The following GIPC2 variants were observed in gnomAD, a reference collection of about 807,000 sequenced individuals.
GIPC2 encodes PDZ domain-containing protein GIPC2.
GIPC2 carries 30 observed loss-of-function variants against 30.6 expected under a neutral mutation model. The observed-to-expected ratio is 0.98, with a 90% CI of 0.73 to 1.33. The LOEUF is 1.33. Ranked by LOEUF, GIPC2 falls within the 40% of genes most tolerant of loss-of-function variation. The pLI, the probability that GIPC2 is intolerant of heterozygous loss-of-function variation, is 0.00. For missense variants in GIPC2, 414 were observed against 390.3 expected (o/e 1.06, Z -0.51); for synonymous variants, 167 against 150.0 (o/e 1.11, Z -0.83).
chr1:78,072,361 C>T (rs950002783), intron 1 of GIPC2, among the ~76,000 whole-genome samples: 10 of 152,184 alleles, frequency 6.6e-5, no homozygotes, highest in Admixed American at 4.6e-4. Flanking sequence ...GTTTCCCAGT[C>T]TATGCATATA....
rs1661059749 is a variant in GIPC2 at position 78,046,005 on chromosome 1, G to GCGCGGGGCCCGGGGCGCAAAGTC, written c.-87_-65dup. The GCGCGGGGCCCGGGGCGCAAAGTC allele has an allele frequency of 1.4e-5, 19 of 1,393,950 alleles. No homozygotes were observed. Among genetic ancestry groups the GCGCGGGGCCCGGGGCGCAAAGTC allele is most frequent in the South Asian group, 3.3e-5 (2 of 61,040 alleles). 86.3% of individuals were successfully genotyped at this position (1,393,950 alleles called of 1,614,324 possible). ...CTGCCATTGGAGGCTGCTTTTACCT[G>GCGCGGGGCCCGGGGCGCAAAGTC]CGCGGGGCCCGGGGCGCAAAGTCCG... On this transcript the variant is annotated 5_prime_UTR_variant, in exon 1 of 6. Transcript: ENST00000370759.
At chr1:78,045,891 T>C (rs1190014370), upstream of GIPC2, 9 of 1,334,702 alleles carry the variant, frequency 6.7e-6, no homozygotes, top group Non-Finnish European at 8.6e-6. Flanking sequence ...TCCAGATCCA[T>C]CCCGGGGGAG....
intron 2 of GIPC2, among the ~76,000 whole-genome samples, chr1:78,085,220 G>A (rs1661904901): frequency 1.3e-5 from 2 of 152,178 alleles, no homozygotes; most frequent in Admixed American, 1.3e-4. Context: ...CTGTTTATGT[G>A]ATGAAGCACA....
intron 2 of GIPC2, among the ~76,000 whole-genome samples, chr1:78,090,675 T>C (rs980138853): frequency 1.3e-5 from 2 of 152,238 alleles, no homozygotes; most frequent in African/African-American, 4.8e-5. Context: ...GCCATACTTT[T>C]GCTTTAGTAG....
At chr1:78,073,978 AAT>A (rs1351875467) in intron 1 of GIPC2, among the ~76,000 whole-genome samples, 2 of 152,240 alleles carry the variant, frequency 1.3e-5, no homozygotes, top group Non-Finnish European at 2.9e-5. Context: ...GTAGCAATTT[AAT>A]ATAAATGCAC....
At chr1:78,047,278 A>G (rs1661112164) in intron 1 of GIPC2, among the ~76,000 whole-genome samples, 6 of 152,230 alleles carry the variant, frequency 3.9e-5, no homozygotes, top group Admixed American at 3.9e-4. Context: ...CCCTGGACTC[A>G]GAGGAGTGCA....
At chr1:78,117,940 CTCTTT>C (rs1001488050) in intron 3 of GIPC2, among the ~76,000 whole-genome samples, 9 of 152,064 alleles carry the variant, frequency 5.9e-5, no homozygotes, top group Admixed American at 2.6e-4. Context: ...TTCTCTCTCT[CTCTTT>C]TCTTTTCTTT....
At chr1:78,056,743 T>C in intron 1 of GIPC2, among the ~76,000 whole-genome samples, 1 of 152,238 alleles carries the variant, frequency 6.6e-6, no homozygotes, top group African/African-American at 2.4e-5. Flanking sequence ...GAACCTTCCA[T>C]GTGCCCCTTC....
At chr1:78,053,745 TA>T (rs11384461) in intron 1 of GIPC2, among the ~76,000 whole-genome samples, 135 of 88,656 alleles carry the variant, frequency 1.5e-3, no homozygotes, top group African/African-American at 2.9e-3. Flanking sequence ...CCCTGCCTCT[TA>T]AAAAAAAAAA....
In GIPC2 at chr1:78,113,515, G is replaced by A. The variant is rs1012554379; in HGVS notation, c.608-5878G>A. On this transcript the variant is annotated intron_variant, in intron 3 of 5. Transcript: ENST00000370759. ...CAATCCTCCTGCTTCAGCCTCCTGA[G>A]TAGCTGGGACTACAGGTACATGCTA... Among the ~76,000 whole-genome samples the A allele has an allele frequency of 6.6e-5, 10 of 152,180 alleles. 1 individual carries two copies. The highest frequency in any genetic ancestry group is 1.3e-4 in the Non-Finnish European group (9 of 68,032).
At chr1:78,058,611 G>A (rs1371244905) in intron 1 of GIPC2, among the ~76,000 whole-genome samples, 1 of 152,054 alleles carries the variant, frequency 6.6e-6, no homozygotes, top group Non-Finnish European at 1.5e-5. Context: ...TGAATCCCTT[G>A]ACATATTATA....
At chr1:78,130,382 A>G (rs1204256554) in intron 5 of GIPC2, among the ~76,000 whole-genome samples, 2 of 152,160 alleles carry the variant, frequency 1.3e-5, no homozygotes, top group South Asian at 2.1e-4. Context: ...GATTACAGGC[A>G]TGAGCTACCA....
intron 2 of GIPC2, among the ~76,000 whole-genome samples, chr1:78,094,389 G>A (rs542459578): frequency 3.5e-4 from 53 of 152,302 alleles, no homozygotes; most frequent in African/African-American, 1.1e-3. Context: ...ATGAACAATC[G>A]CACTGTGGTA....
At chr1:78,078,993 T>G (rs1169338744) in intron 1 of GIPC2, among the ~76,000 whole-genome samples, 1 of 152,206 alleles carries the variant, frequency 6.6e-6, no homozygotes, top group African/African-American at 2.4e-5. Flanking sequence ...GTCAGCAAAC[T>G]AATATGCCAT....
intron 1 of GIPC2, among the ~76,000 whole-genome samples, chr1:78,050,629 C>G (rs1478555694): frequency 6.8e-6 from 1 of 146,056 alleles, no homozygotes; most frequent in Admixed American, 6.9e-5. Flanking sequence ...TACATACCAT[C>G]TTTTTTTTTT....
At chr1:78,120,387 G>T (rs1662657390) in intron 4 of GIPC2, among the ~76,000 whole-genome samples, 1 of 152,072 alleles carries the variant, frequency 6.6e-6, no homozygotes, top group African/African-American at 2.4e-5. Context: ...TGCATAGCTT[G>T]CTCCCTTGCC....
Position 78,137,645 on chromosome 1 carries a change from A to G in GIPC2, c.*1902A>G, listed in dbSNP as rs1292079915. ...TGTTAGCATTCAGTGGACCATTATC[A>G]TTACTATCATCACATTACCTGGGCT... On this transcript the variant is annotated 3_prime_UTR_variant, in exon 6 of 6. Coordinates refer to ENST00000370759, the MANE Select transcript of GIPC2 (RefSeq NM_017655.6). 2.0e-5 allele frequency: 3 copies of G among 152,184 alleles called. No homozygotes were observed. Among genetic ancestry groups the G allele is most frequent in the Admixed American group, 1.3e-4 (2 of 15,280 alleles). 9.4% of individuals were successfully genotyped at this position (152,184 alleles called of 1,614,324 possible). A position where few individuals can be genotyped will look rare whatever the true frequency, so the allele number is the denominator to read the frequency against.
intron 2 of GIPC2, among the ~76,000 whole-genome samples, chr1:78,082,277 G>A (rs2100349579): frequency 6.6e-6 from 1 of 152,264 alleles, no homozygotes; most frequent in Admixed American, 6.5e-5. Context: ...AAGAATTAAT[G>A]ATAGATTTCA....
At chr1:78,099,734 A>G (rs937885801) in intron 3 of GIPC2, among the ~76,000 whole-genome samples, 2 of 152,066 alleles carry the variant, frequency 1.3e-5, no homozygotes, top group African/African-American at 4.8e-5. Context: ...CACTGCGCCC[A>G]GCCAGGAAAA....
Sources: allele counts gnomAD v4.1 joint callset (sites outside exome capture counted in the v4.1 genomes callset), GRCh38; gene constraint gnomAD v4.1.1; transcripts MANE v1.5; gene names NCBI Gene and HGNC (gene_info 2026-07-23, HGNC 2026-07-21).